CACNB2: variants seen among roughly 807,000 people sequenced by gnomAD.
CACNB2 encodes voltage-dependent L-type calcium channel subunit beta-2.
A neutral mutation model predicts 73.3 loss-of-function variants in CACNB2; 42 were observed. The ratio of observed to expected loss-of-function variants is 0.57; its 90% confidence interval spans 0.45 to 0.74. The LOEUF is 0.74. CACNB2 is among the 30% of genes least tolerant of loss of function. The pLI is 0.00. For missense variants in CACNB2, 940 were observed against 853.0 expected, an observed-to-expected ratio of 1.10 and a Z score of -1.27; for synonymous variants, 348 against 310.3, an observed-to-expected ratio of 1.12 and a Z score of -1.28.
At chr10:18,498,801 T>C (rs2049995561) in intron 4 of CACNB2, 2 of 316,688 alleles carry the variant, frequency 6.3e-6, no homozygotes, top group Non-Finnish European at 1.2e-5. Context: ...AGGTGTAGTT[T>C]TTCCTGATGC....
intron 3 of CACNB2, among the ~76,000 whole-genome samples, chr10:18,491,203 A>C (rs1290048333): frequency 6.6e-6 from 1 of 152,232 alleles, no homozygotes; most frequent in South Asian, 2.1e-4. Context: ...AATCAGTTCT[A>C]TTCATCAGTA....
chr10:18,479,029 G>T (rs994292080), intron 3 of CACNB2, among the ~76,000 whole-genome samples: 7 of 152,000 alleles, frequency 4.6e-5, no homozygotes, highest in African/African-American at 1.5e-4. Flanking sequence ...CTGCACTCCA[G>T]TCTGGGTGAC....
At chr10:18,151,273 G>GTT (rs111647206) in intron 2 of CACNB2, 599 of 197,406 alleles carry the variant, frequency 3.0e-3, no homozygotes, top group Middle Eastern at 0.012. Flanking sequence ...TGGGGGGATT[G>GTT]TTTTTTTTTT....
chr10:18,156,190 G>A (rs573920212), intron 2 of CACNB2, among the ~76,000 whole-genome samples: 26 of 152,264 alleles, frequency 1.7e-4, no homozygotes, highest in Non-Finnish European at 3.2e-4. Flanking sequence ...GTTAGGTAAC[G>A]AACCTTATCT....
intron 2 of CACNB2, among the ~76,000 whole-genome samples, chr10:18,277,347 G>A (rs940619256): frequency 1.3e-5 from 2 of 152,180 alleles, no homozygotes; most frequent in South Asian, 2.1e-4. Flanking sequence ...ATCAAAAGTC[G>A]TCTCTGGTTT....
At chr10:18,195,802 GC>G (rs2034599169) in intron 2 of CACNB2, among the ~76,000 whole-genome samples, 2 of 152,148 alleles carry the variant, frequency 1.3e-5, no homozygotes, top group African/African-American at 4.8e-5. Flanking sequence ...AAGAAAAAAA[GC>G]AGTAAAAGCT....
chr10:18,140,611 C>G lies in CACNB2; in HGVS notation c.-126C>G, dbSNP rs550253257. On this transcript the variant is annotated 5_prime_UTR_variant, in exon 1 of 14. Coordinates refer to ENST00000324631, the MANE Select transcript of CACNB2 (RefSeq NM_201596.3). ...CCCGGGGCGCTGCGGGGCGCTGCGC[C>G]GAGAACGGCCGGGCCTGAGCCCTGG... 9.4e-5 allele frequency: 67 copies of G among 710,072 alleles called. No individual in the cohort carries two copies. Among genetic ancestry groups the G allele is most frequent in the Non-Finnish European group, 1.4e-4 (66 of 461,816 alleles). The allele number at this position is 710,072 out of a possible 1,614,324, so 44.0% of individuals were successfully genotyped here. A position where few individuals can be genotyped will look rare whatever the true frequency, so the allele number is the denominator to read the frequency against.
intron 2 of CACNB2, among the ~76,000 whole-genome samples, chr10:18,157,459 T>C (rs1282881451): frequency 1.3e-5 from 2 of 152,240 alleles, no homozygotes; most frequent in Non-Finnish European, 2.9e-5. Context: ...ATACGTAATA[T>C]GCATTATTTA....
At chr10:18,505,109 C>T (rs1405390731) in intron 5 of CACNB2, among the ~76,000 whole-genome samples, 1 of 152,102 alleles carries the variant, frequency 6.6e-6, no homozygotes, top group East Asian at 1.9e-4. Flanking sequence ...AAGTCAAGGA[C>T]AAATCTGCAT....
chr10:18,153,273 A>G (rs1018681108), intron 2 of CACNB2, among the ~76,000 whole-genome samples: 2 of 152,206 alleles, frequency 1.3e-5, no homozygotes, highest in East Asian at 1.9e-4. Context: ...TTGCTATGGC[A>G]TGGCTTTTGG....
At chr10:18,417,536 T>G (rs1334214626) in intron 3 of CACNB2, among the ~76,000 whole-genome samples, 1 of 151,844 alleles carries the variant, frequency 6.6e-6, no homozygotes, top group African/African-American at 2.4e-5. Context: ...ACCCGGCTAA[T>G]TTTTGTATTT....
intron 2 of CACNB2, among the ~76,000 whole-genome samples, chr10:18,246,075 G>T (rs975702502): frequency 6.6e-6 from 1 of 152,046 alleles, no homozygotes; most frequent in Non-Finnish European, 1.5e-5. Context: ...CTTGATCTCC[G>T]AGAGGAAGAA....
intron 2 of CACNB2, among the ~76,000 whole-genome samples, chr10:18,223,379 G>A (rs2035867856): frequency 6.6e-6 from 1 of 152,142 alleles, no homozygotes; most frequent in Non-Finnish European, 1.5e-5. Flanking sequence ...TTTGTTGAAT[G>A]AATAAATGAA....
intron 2 of CACNB2, among the ~76,000 whole-genome samples, chr10:18,175,424 G>A (rs1025616166): frequency 1.3e-5 from 2 of 152,082 alleles, no homozygotes; most frequent in Non-Finnish European, 2.9e-5. Flanking sequence ...AAGGATGTGC[G>A]TATTGGGTCA....
chr10:18,517,282 T>A (rs1002018760), intron 7 of CACNB2, among the ~76,000 whole-genome samples: 1 of 152,268 alleles, frequency 6.6e-6, no homozygotes, highest in Non-Finnish European at 1.5e-5. Flanking sequence ...ATCACTCTTA[T>A]GCATTTTTTT....
chr10:18,236,832 G>C (rs550286714), intron 2 of CACNB2, among the ~76,000 whole-genome samples: 1 of 152,100 alleles, frequency 6.6e-6, no homozygotes, highest in South Asian at 2.1e-4. Flanking sequence ...GAACTTTGCA[G>C]TCTGAGCCTC....
At chr10:18,316,038 G>C (rs1047124864) in intron 2 of CACNB2, among the ~76,000 whole-genome samples, 2 of 152,082 alleles carry the variant, frequency 1.3e-5, no homozygotes, top group Non-Finnish European at 2.9e-5. Context: ...TCTAGTAATG[G>C]CTGTATTTGA....
intron 2 of CACNB2, among the ~76,000 whole-genome samples, chr10:18,273,373 C>G (rs1429066789): frequency 6.8e-6 from 1 of 147,448 alleles, no homozygotes; most frequent in African/African-American, 2.5e-5. Context: ...GAAAACAAAA[C>G]AAAACAAAAA....
chr10:18,524,016 AAAG>A (rs977214170), intron 9 of CACNB2, among the ~76,000 whole-genome samples: 4 of 152,270 alleles, frequency 2.6e-5, no homozygotes, highest in African/African-American at 9.6e-5. Context: ...GTGTCAGATC[AAAG>A]AAGAAATAAA....
Sources: allele counts gnomAD v4.1 joint callset (sites outside exome capture counted in the v4.1 genomes callset), GRCh38; gene constraint gnomAD v4.1.1; transcripts MANE v1.5; gene names NCBI Gene and HGNC (gene_info 2026-07-23, HGNC 2026-07-21).